Variants in HIRA observed in about 807,000 individuals in gnomAD.
HIRA encodes histone cell cycle regulator.
HIRA carries 13 observed loss-of-function variants against 126.6 expected under a neutral mutation model. The ratio of observed to expected loss-of-function variants is 0.10; its 90% confidence interval spans 0.07 to 0.16. The LOEUF (loss-of-function observed/expected upper bound fraction) is 0.16, where lower values mean the gene tolerates loss of function less well. Among genes scored for constraint, HIRA ranks in the 10% least tolerant of loss-of-function variants. HIRA has a pLI of 1.00. For synonymous variants in HIRA, 511 were observed against 520.0 expected, an observed-to-expected ratio of 0.98 and a Z score of 0.24; for missense variants, 834 against 1,314.4, an observed-to-expected ratio of 0.63 and a Z score of 5.65.
intron 16 of HIRA, 94 bp downstream of exon 16, chr22:19,361,633 C>G (rs973848585): frequency 7.8e-7 from 1 of 1,280,088 alleles, no homozygotes; most frequent in Non-Finnish European, 1.1e-6. Flanking sequence ...CCAAGGTGAC[C>G]CACCCAGCTG....
At chr22:19,411,239 G>C (rs1050851038) in intron 1 of HIRA, among the ~76,000 whole-genome samples, 2 of 152,222 alleles carry the variant, frequency 1.3e-5, no homozygotes, top group Non-Finnish European at 2.9e-5. Context: ...TCTTTTGTTT[G>C]TGCTGTGAAG....
chr22:19,339,803 C>T (rs189824715), intron 24 of HIRA, among the ~76,000 whole-genome samples: 3 of 152,146 alleles, frequency 2.0e-5, no homozygotes, highest in East Asian at 3.9e-4. Flanking sequence ...AATATATAAC[C>T]CTCCTAGATT....
At chr22:19,356,790 G>A in intron 19 of HIRA, 100 bp downstream of exon 19, 1 of 1,233,256 alleles carries the variant, frequency 8.1e-7, no homozygotes, top group Non-Finnish European at 1.1e-6. Context: ...CTGATGGCCA[G>A]CCTTGTCCAC....
chr22:19,347,040 T>C (rs1308633699), intron 24 of HIRA, among the ~76,000 whole-genome samples: 1 of 152,160 alleles, frequency 6.6e-6, no homozygotes, highest in Non-Finnish European at 1.5e-5. Flanking sequence ...AGAACTACTA[T>C]GGTGAGCTTT....
chr22:19,363,046 C>T (rs2088878896), intron 15 of HIRA, among the ~76,000 whole-genome samples: 1 of 150,792 alleles, frequency 6.6e-6, no homozygotes, highest in African/African-American at 2.4e-5. Flanking sequence ...CCGTCCTGGC[C>T]AACACGGTGA....
intron 15 of HIRA, among the ~76,000 whole-genome samples, chr22:19,374,380 T>C (rs1210154765): frequency 1.3e-5 from 2 of 152,144 alleles, no homozygotes; most frequent in Non-Finnish European, 2.9e-5. Context: ...CTCAAACTCC[T>C]GGCCTCAAGC....
Position 19,383,620 on chromosome 22 carries a change from C to T in HIRA, c.1415G>A (p.Gly472Glu). The T allele has an allele frequency of 1.2e-6, 2 of 1,611,176 alleles. No individual in the cohort carries two copies. Among genetic ancestry groups the T allele is most frequent in the East Asian group, 2.2e-5 (1 of 44,872 alleles). ...TPLCIAQLDT[G>E]DFSTAFFNSI... The stretch of plus-strand genomic sequence containing the variant: ...CCATGAAAGGGGAATGAACCAGTAC[C>T]CAGTGTCCAGCTGTGCTATGCAGAG... The change falls in exon 13 of 25, where the codon GGG becomes GAG. Residue 472 changes from glycine (G) to glutamate (E), a missense_variant and splice_region_variant. Gly to Glu is a moderately conservative substitution (Grantham distance 98). Around this residue, in one of 5 missense-constraint regions of HIRA, gnomAD observed 153 missense variants for 270.6 expected, o/e 0.57. Transcript: ENST00000263208.
Position 19,333,281 on chromosome 22 carries a change from G to T in HIRA, c.2938-1725C>A, listed in dbSNP as rs577329717. On this transcript the variant is annotated intron_variant, in intron 24 of 24. Coordinates refer to ENST00000263208, the MANE Select transcript of HIRA (RefSeq NM_003325.4). ...TCAAGAAAGAGAGAGAAAGCTTAAAGAAATAATATTAGAAATAAAAAGAGA... is the reference window on the plus strand; with the variant it reads ...TCAAGAAAGAGAGAGAAAGCTTAAATAAATAATATTAGAAATAAAAAGAGA... 2.4e-4 allele frequency among the ~76,000 whole-genome samples: 37 copies of T among 152,146 alleles called. No individual in the cohort carries two copies. The South Asian group carries it at 3.3e-3, about 14-fold the overall frequency.
chr22:19,407,312 A>T, intron 3 of HIRA, 38 bp from the exon 4 acceptor site: 1 of 1,500,336 alleles, frequency 6.7e-7, no homozygotes, highest in Non-Finnish European at 9.3e-7. Context: ...AAAATCCAGT[A>T]GTCATGCCCA....
chr22:19,408,529 C>A lies in HIRA; in HGVS notation c.165G>T (p.Lys55Asn). The A allele has an allele frequency of 6.2e-7, 1 of 1,613,870 alleles. No homozygotes were observed. Among genetic ancestry groups the A allele is most frequent in the Non-Finnish European group, 8.5e-7 (1 of 1,179,704 alleles). Residue 55 changes from lysine to asparagine, a missense_variant, in exon 3 of 25, where the codon AAG becomes AAT. Around this residue, in one of 5 missense-constraint regions of HIRA, gnomAD observed 102 missense variants for 191.4 expected, o/e 0.53. Coordinates refer to ENST00000263208, the MANE Select transcript of HIRA (RefSeq NM_003325.4). ...MSPVLQEDDE[K>N]DENIPKMLCQ... is the part of the protein sequence containing the mutation. ...AAAGCATCTTGGGAATATTTTCATCCTTCTCGTCATCCTCCTGGAGGACTG... is the reference window on the plus strand; with the variant it reads ...AAAGCATCTTGGGAATATTTTCATCATTCTCGTCATCCTCCTGGAGGACTG...
Position 19,331,362 on chromosome 22 carries a change from G to A in HIRA, c.*78C>T, listed in dbSNP as rs782125376. ...TCTCCTCCCCCTACAGCCTGGTCAGGTGAGAGGCGGTCCTGCATGTCATCA... is the reference window on the plus strand; with the variant it reads ...TCTCCTCCCCCTACAGCCTGGTCAGATGAGAGGCGGTCCTGCATGTCATCA... On this transcript the variant is annotated 3_prime_UTR_variant, in exon 25 of 25. Transcript: ENST00000263208. The A allele has an allele frequency of 1.2e-6, 2 of 1,605,634 alleles. No individual in the cohort carries two copies. Among genetic ancestry groups the A allele is most frequent in the East Asian group, 2.2e-5 (1 of 44,812 alleles).
At chr22:19,388,154 G>A (rs1179291001) in intron 10 of HIRA, among the ~76,000 whole-genome samples, 1 of 152,214 alleles carries the variant, frequency 6.6e-6, no homozygotes, top group Non-Finnish European at 1.5e-5. Flanking sequence ...TCAGGTCACT[G>A]AGAAGCAGAA....
chr22:19,340,438 T>C (rs1355045472), intron 24 of HIRA, among the ~76,000 whole-genome samples: 2 of 151,980 alleles, frequency 1.3e-5, no homozygotes, highest in African/African-American at 2.4e-5. Context: ...GATAAAAGGG[T>C]TCCCCCTGAG....
At chr22:19,337,363 C>T (rs2088578426) in intron 24 of HIRA, among the ~76,000 whole-genome samples, 1 of 151,696 alleles carries the variant, frequency 6.6e-6, no homozygotes, top group African/African-American at 2.4e-5. Flanking sequence ...TAGAGAAATA[C>T]AAAATGCACT....
At chr22:19,353,059 G>A (rs536261922) in intron 23 of HIRA, among the ~76,000 whole-genome samples, 27 of 152,368 alleles carry the variant, frequency 1.8e-4, no homozygotes, top group African/African-American at 6.3e-4. Context: ...CAGGGCAGGA[G>A]CCAGAACATA....
chr22:19,351,364 T>C lies in HIRA; in HGVS notation c.2931A>G (p.Thr977=), dbSNP rs374851101. The change falls in exon 24 of 25, where the codon ACA becomes ACG. Residue 977 remains threonine (T), a synonymous_variant. Coordinates refer to ENST00000263208, the MANE Select transcript of HIRA (RefSeq NM_003325.4). This position sits in a 1 kb window ranked among gnomAD's most constrained non-coding sequence, Gnocchi z 4.8. ...CAATGAAAGAAGCACCTACCACTAC[T>C]GTTGACTCCCACTGGCTTCCAGTGG... is the stretch of plus-strand genomic sequence containing the variant. ...HYSTGSQWES[T]VVGLRKRELL... 3.2e-5 allele frequency: 51 copies of C among 1,610,998 alleles called. No homozygotes were observed. Among genetic ancestry groups the C allele is most frequent in the Non-Finnish European group, 4.1e-5 (48 of 1,178,968 alleles).
chr22:19,375,599 T>G (rs2089010464), intron 15 of HIRA, 32 bp downstream of exon 15: 3 of 1,610,996 alleles, frequency 1.9e-6, no homozygotes, highest in Non-Finnish European at 2.5e-6. Flanking sequence ...GCACCCTGCC[T>G]GGTCCTTCAG....
chr22:19,384,322 C>CAAAA (rs71317140), intron 12 of HIRA, among the ~76,000 whole-genome samples: 18 of 66,696 alleles, frequency 2.7e-4, no homozygotes, highest in African/African-American at 6.4e-4. Flanking sequence ...GACTCCATCT[C>CAAAA]AAAAAAAAAA....
At chr22:19,414,977 A>T (rs1247703512) in intron 1 of HIRA, among the ~76,000 whole-genome samples, 4 of 146,304 alleles carry the variant, frequency 2.7e-5, no homozygotes, top group Non-Finnish European at 6.1e-5. Flanking sequence ...ACGAAATCTC[A>T]CTCTGTCACC....
Sources: allele counts gnomAD v4.1 joint callset (sites outside exome capture counted in the v4.1 genomes callset), GRCh38; gene constraint gnomAD v4.1.1; regional missense constraint gnomAD v4.1.1; non-coding constraint Gnocchi (gnomAD v3.1); transcripts MANE v1.5; gene names NCBI Gene and HGNC (gene_info 2026-07-23, HGNC 2026-07-21).